BICC1: variants seen among roughly 807,000 people sequenced by gnomAD.
BICC1 encodes BicC family RNA binding protein 1.
BICC1 carries 43 observed loss-of-function variants against 111.0 expected under a neutral mutation model. The observed-to-expected ratio is 0.39, with a 90% confidence interval of 0.30 to 0.50. BICC1 has a LOEUF of 0.50. Among genes scored for constraint, BICC1 ranks in the 20% least tolerant of loss-of-function variants. BICC1 has a pLI of 0.88. For synonymous variants in BICC1, 467 were observed against 434.4 expected (o/e 1.07, Z -0.93); for missense variants, 1,091 against 1,203.2 (o/e 0.91, Z 1.38).
At position 58,694,739 on chromosome 10, in the gene BICC1, A is replaced by C. The variant is rs113235077; in HGVS notation, c.238-7335A>C. On this transcript the variant is annotated intron_variant, in intron 2 of 20. Transcript: ENST00000373886. ...GTTTGGGGGTGGTGGTGGGGACACT[A>C]ATCTAGTTTGGGAACCATTTGGGGG... Among the ~76,000 whole-genome samples the C allele has an allele frequency of 1.3e-3, 196 of 152,224 alleles. 1 individual carries two copies. The highest frequency in any genetic ancestry group is 4.6e-3 in the African/African-American group (193 of 41,540).
At chr10:58,708,172 A>G (rs1354633671) in intron 3 of BICC1, among the ~76,000 whole-genome samples, 1 of 142,460 alleles carries the variant, frequency 7.0e-6, no homozygotes, top group East Asian at 2.0e-4. Flanking sequence ...TTGTATTTTT[A>G]GTAGAGACAG....
chr10:58,707,693 CTTA>C (rs547900380), intron 3 of BICC1, among the ~76,000 whole-genome samples: 1 of 151,286 alleles, frequency 6.6e-6, no homozygotes, highest in African/African-American at 2.4e-5. Context: ...CCACGCCCAG[CTTA>C]TTATTATTAT....
chr10:58,656,756 A>C (rs148631544), intron 2 of BICC1, among the ~76,000 whole-genome samples: 1 of 152,126 alleles, frequency 6.6e-6, no homozygotes, highest in African/African-American at 2.4e-5. Flanking sequence ...TTATTCCCTA[A>C]GTTCCTTGAT....
At chr10:58,701,565 G>A (rs182959869) in intron 2 of BICC1, among the ~76,000 whole-genome samples, 3 of 152,218 alleles carry the variant, frequency 2.0e-5, no homozygotes, top group East Asian at 3.9e-4. Flanking sequence ...GTGATGTCGC[G>A]TTTAGAGGGT....
At chr10:58,642,743 C>T (rs989846761) in intron 2 of BICC1, among the ~76,000 whole-genome samples, 1 of 151,802 alleles carries the variant, frequency 6.6e-6, no homozygotes, top group Non-Finnish European at 1.5e-5. Flanking sequence ...CTTGCTCTGC[C>T]ACCCAGGTTG....
intron 2 of BICC1, among the ~76,000 whole-genome samples, chr10:58,689,027 A>G (rs141621919): frequency 0.027 from 4,094 of 152,326 alleles, 83 homozygotes; most frequent in Middle Eastern, 0.061. Context: ...TTAAAGTATA[A>G]TAACAACAAC....
At chr10:58,648,591 C>T in intron 2 of BICC1, 1 of 984,104 alleles carries the variant, frequency 1.0e-6, no homozygotes, top group East Asian at 1.1e-4. Flanking sequence ...GTGCCTCTCT[C>T]TCTCTCTTTC....
At chr10:58,728,372 A>G (rs1288694230) in intron 3 of BICC1, among the ~76,000 whole-genome samples, 1 of 152,204 alleles carries the variant, frequency 6.6e-6, no homozygotes, top group Non-Finnish European at 1.5e-5. Context: ...CTTATCCATT[A>G]GAAGCAATGT....
Position 58,809,927 on chromosome 10 carries a change from G to T in BICC1, c.2376+2769G>T, listed in dbSNP as rs149870425. On this transcript the variant is annotated intron_variant, in intron 17 of 20. Coordinates refer to ENST00000373886, the MANE Select transcript of BICC1 (RefSeq NM_001080512.3). ...CCATAGCAAAGGGTGGTATGTAACT[G>T]ATCTAGAGCCATGTTGCCATAGTTT... is the stretch of plus-strand genomic sequence containing the variant. Among the ~76,000 whole-genome samples, 419 of 152,308 alleles carry T rather than the reference G, an allele frequency of 2.8e-3. 2 individuals are homozygous for T. The highest frequency in any genetic ancestry group is 9.5e-3 in the African/African-American group (396 of 41,556).
intron 2 of BICC1, chr10:58,649,959 TG>T (rs1564531408): frequency 6.6e-6 from 1 of 152,202 alleles, no homozygotes; most frequent in Non-Finnish European, 1.5e-5. Flanking sequence ...AATATTTTTT[TG>T]AATATAACCG....
Position 58,800,946 on chromosome 10 carries a change from A to G in BICC1, c.1915A>G (p.Asn639Asp), listed in dbSNP as rs758672198. 14 of 1,609,780 alleles carry G rather than the reference A, an allele frequency of 8.7e-6. No homozygotes were observed. Among genetic ancestry groups the G allele is most frequent in the Admixed American group, 5.0e-5 (3 of 59,488 alleles). ...GCCTCGAAGTCCTTCCCATTCTGGG[A>G]ATGCTGGTGACTTGAAACAGATGAT... ...GMPRSPSHSGNAGDLKQMMCP... is the reference protein window; with the variant it reads ...GMPRSPSHSGDAGDLKQMMCP... Residue 639 changes from asparagine to aspartate, a missense_variant, in exon 14 of 21, where the codon AAT (asparagine) becomes GAT (aspartate). Transcript: ENST00000373886.
At chr10:58,744,000 A>G (rs1020542798) in intron 3 of BICC1, among the ~76,000 whole-genome samples, 1 of 152,068 alleles carries the variant, frequency 6.6e-6, no homozygotes, top group Admixed American at 6.6e-5. Context: ...CATGCCACAA[A>G]AATTCCTTTC....
intron 3 of BICC1, among the ~76,000 whole-genome samples, chr10:58,711,631 T>C (rs965025758): frequency 6.6e-6 from 1 of 152,166 alleles, no homozygotes; most frequent in East Asian, 1.9e-4. Context: ...CCTTCTTCTC[T>C]TCTGAAGGTC....
chr10:58,725,513 G>T (rs1366412084), intron 3 of BICC1, among the ~76,000 whole-genome samples: 1 of 152,186 alleles, frequency 6.6e-6, no homozygotes, highest in African/African-American at 2.4e-5. Flanking sequence ...TTTAAGAGGG[G>T]AGAGGAGCAA....
At chr10:58,635,800 T>C (rs1837936211) in intron 2 of BICC1, among the ~76,000 whole-genome samples, 1 of 152,222 alleles carries the variant, frequency 6.6e-6, no homozygotes, top group Non-Finnish European at 1.5e-5. Context: ...CTAACAGCGA[T>C]ACATAAAAAT....
intron 6 of BICC1, among the ~76,000 whole-genome samples, chr10:58,788,707 A>G (rs908031395): frequency 1.3e-5 from 2 of 152,186 alleles, no homozygotes; most frequent in Non-Finnish European, 1.5e-5. Context: ...TTTTTATTCA[A>G]TGATCATAAA....
At chr10:58,618,096 TG>T (rs890871560) in intron 1 of BICC1, among the ~76,000 whole-genome samples, 1 of 152,050 alleles carries the variant, frequency 6.6e-6, no homozygotes, top group African/African-American at 2.4e-5. Flanking sequence ...CCTGAGTGTC[TG>T]GGGCCTGTGT....
chr10:58,560,036 C>G (rs1366311681), intron 1 of BICC1, among the ~76,000 whole-genome samples: 1 of 149,074 alleles, frequency 6.7e-6, no homozygotes, highest in East Asian at 2.0e-4. Context: ...TTTTTTTTTG[C>G]AGTGTCTTTG....
chr10:58,608,056 A>C (rs1459977378), intron 1 of BICC1, among the ~76,000 whole-genome samples: 7 of 152,210 alleles, frequency 4.6e-5, no homozygotes, highest in Non-Finnish European at 1.0e-4. Context: ...AAGAAAGGAC[A>C]TTTCCTAAAA....
Sources: allele counts gnomAD v4.1 joint callset (sites outside exome capture counted in the v4.1 genomes callset), GRCh38; gene constraint gnomAD v4.1.1; transcripts MANE v1.5; gene names NCBI Gene and HGNC (gene_info 2026-07-23, HGNC 2026-07-21).